The following IL1RAPL1 variants were observed in gnomAD, a reference collection of about 807,000 sequenced individuals.
The protein encoded by IL1RAPL1 is interleukin-1 receptor accessory protein-like 1.
Under a neutral mutation model 48.4 loss-of-function variants are expected in IL1RAPL1, and 3 were observed. The observed-to-expected ratio is 0.06, with a 90% CI of 0.03 to 0.16. The LOEUF is 0.16. Among genes scored for constraint, IL1RAPL1 ranks in the 10% least tolerant of loss-of-function variants. IL1RAPL1 has a pLI of 1.00. For missense variants in IL1RAPL1, 349 were observed against 530.6 expected (o/e 0.66, Z 3.36); for synonymous variants, 185 against 187.7 (o/e 0.99, Z 0.12).
At chrX:28,688,640 C>T (rs1289300316) in intron 1 of IL1RAPL1, among the ~76,000 whole-genome samples, 1 of 111,908 alleles carries the variant, frequency 8.9e-6, no homozygotes, top group Non-Finnish European at 1.9e-5. Context: ...GGCTCTGGGG[C>T]TTGTCAAAAG....
intron 6 of IL1RAPL1, among the ~76,000 whole-genome samples, chrX:29,805,459 A>C (rs1221275489): frequency 1.8e-5 from 2 of 110,973 alleles, no homozygotes; most frequent in African/African-American, 6.6e-5. Context: ...TGTCTAGCCA[A>C]GACCACAGTG....
At chrX:29,077,618 A>AAAAAAAAAAAAAAAG in intron 2 of IL1RAPL1, among the ~76,000 whole-genome samples, 1 of 104,681 alleles carries the variant, frequency 9.6e-6, no homozygotes. Context: ...GAAAAAAAAA[A>AAAAAAAAAAAAAAAG]AAAAGAAAAA....
intron 5 of IL1RAPL1, among the ~76,000 whole-genome samples, chrX:29,513,560 T>A (rs1161753157): frequency 1.8e-5 from 2 of 111,993 alleles, no homozygotes; most frequent in Non-Finnish European, 3.8e-5. Flanking sequence ...GGAGTGTATA[T>A]TTGTTACATA....
chrX:28,748,857 A>G (rs1474323169), intron 1 of IL1RAPL1, among the ~76,000 whole-genome samples: 1 of 111,239 alleles, frequency 9.0e-6, no homozygotes, highest in East Asian at 2.8e-4. Context: ...AACCATATTC[A>G]CCCTACTGTG....
At chrX:29,457,185 T>TTCAGGC (rs1934749173) in intron 5 of IL1RAPL1, among the ~76,000 whole-genome samples, 1 of 60,096 alleles carries the variant, frequency 1.7e-5, no homozygotes, top group Non-Finnish European at 2.8e-5. Context: ...TTTACCTCTA[T>TTCAGGC]TCTTTTTTTT....
chrX:29,695,664 A>C (rs1421042265), intron 6 of IL1RAPL1, among the ~76,000 whole-genome samples: 1 of 110,524 alleles, frequency 9.0e-6, no homozygotes, highest in Non-Finnish European at 1.9e-5. Context: ...TCTTTTTAAA[A>C]GGAGAATAAC....
At chrX:29,580,865 T>G (rs974327616) in intron 5 of IL1RAPL1, among the ~76,000 whole-genome samples, 6 of 112,253 alleles carry the variant, frequency 5.3e-5, no homozygotes, top group African/African-American at 1.9e-4. Context: ...CATTTTCCTC[T>G]ACTATTGCAT....
At chrX:28,977,611 T>C (rs1265900402) in intron 2 of IL1RAPL1, among the ~76,000 whole-genome samples, 1 of 112,116 alleles carries the variant, frequency 8.9e-6, no homozygotes, top group East Asian at 2.8e-4. Context: ...GTGACCTTGA[T>C]GAGTAGTTTC....
intron 2 of IL1RAPL1, among the ~76,000 whole-genome samples, chrX:29,140,592 A>C (rs1180891086): frequency 8.9e-6 from 1 of 112,253 alleles, no homozygotes; most frequent in Non-Finnish European, 1.9e-5. Context: ...TTTCTGTGTA[A>C]GAATCTGTTA....
At chrX:28,740,982 T>C (rs938316416) in intron 1 of IL1RAPL1, among the ~76,000 whole-genome samples, 98 of 112,331 alleles carry the variant, frequency 8.7e-4, no homozygotes, top group African/African-American at 3.0e-3. Context: ...TGCACACACA[T>C]TGGTCTGTCG....
intron 6 of IL1RAPL1, among the ~76,000 whole-genome samples, chrX:29,856,484 C>A (rs1931479823): frequency 8.9e-6 from 1 of 112,091 alleles, no homozygotes; most frequent in Non-Finnish European, 1.9e-5. Context: ...ATTAATATTT[C>A]TTCATCAAAA....
At chrX:28,660,750 A>G (rs774064483) in intron 1 of IL1RAPL1, among the ~76,000 whole-genome samples, 7 of 111,950 alleles carry the variant, frequency 6.3e-5, no homozygotes, top group African/African-American at 2.3e-4. Flanking sequence ...AGACACCACC[A>G]GCTTATATCG....
At chrX:29,655,056 A>C (rs2147093651) in intron 5 of IL1RAPL1, among the ~76,000 whole-genome samples, 1 of 111,619 alleles carries the variant, frequency 9.0e-6, no homozygotes, top group South Asian at 3.8e-4. Flanking sequence ...TGAGAGCCTC[A>C]AATTGTATGT....
chrX:29,619,177 G>C (rs1184022568), intron 5 of IL1RAPL1, among the ~76,000 whole-genome samples: 2 of 111,604 alleles, frequency 1.8e-5, no homozygotes, highest in African/African-American at 6.5e-5. Context: ...TTTAGTGCTT[G>C]GGTTTGTATA....
chrX:29,263,675 C>T (rs1309189270), intron 2 of IL1RAPL1, among the ~76,000 whole-genome samples: 1 of 111,596 alleles, frequency 9.0e-6, no homozygotes, highest in Non-Finnish European at 1.9e-5. Flanking sequence ...TCTTATCACA[C>T]CCAATCATCC....
At chrX:29,941,190 C>G (rs1211813283) in intron 8 of IL1RAPL1, among the ~76,000 whole-genome samples, 1 of 112,167 alleles carries the variant, frequency 8.9e-6, no homozygotes, top group Non-Finnish European at 1.9e-5. Flanking sequence ...GATCAAGATT[C>G]TCATTGGGAG....
At chrX:29,265,164 C>A (rs934665716) in intron 2 of IL1RAPL1, among the ~76,000 whole-genome samples, 1 of 111,119 alleles carries the variant, frequency 9.0e-6, no homozygotes, top group African/African-American at 3.3e-5. Context: ...CCGCCCACCT[C>A]GGCCTCCCAA....
chrX:28,727,664 T>C (rs1239368110), intron 1 of IL1RAPL1, among the ~76,000 whole-genome samples: 1 of 105,314 alleles, frequency 9.5e-6, no homozygotes, highest in Non-Finnish European at 1.9e-5. Flanking sequence ...TGATATTGGC[T>C]GTGGGTTTGT....
chrX:29,512,102 A>G (rs955246960), intron 5 of IL1RAPL1, among the ~76,000 whole-genome samples: 2 of 110,645 alleles, frequency 1.8e-5, no homozygotes, highest in African/African-American at 6.6e-5. Context: ...TTATATATAT[A>G]TATAATCTCT....
Sources: gnomAD v4.1 joint callset for allele counts (sites outside exome capture counted in the v4.1 genomes callset) on GRCh38, gnomAD v4.1.1 for gene constraint, MANE v1.5 for transcripts, NCBI Gene and HGNC (gene_info 2026-07-23, HGNC 2026-07-21) for gene names.